Variants in COL22A1 observed in about 807,000 individuals in gnomAD.
COL22A1 encodes collagen type XXII alpha 1 chain.
Under a neutral mutation model 248.9 loss-of-function variants are expected in COL22A1, and 221 were observed. That is an observed-to-expected ratio of 0.89 (90% confidence interval 0.80 to 0.99). COL22A1 has a LOEUF of 0.99. Among genes scored for constraint, COL22A1 ranks in the 50% least tolerant of loss-of-function variants. The pLI is 0.00. For synonymous variants in COL22A1, 891 were observed against 793.4 expected (o/e 1.12, Z -2.07); for missense variants, 2,240 against 2,179.0 (o/e 1.03, Z -0.56).
intron 9 of COL22A1, among the ~76,000 whole-genome samples, chr8:138,811,330 C>T (rs9693735): frequency 2.1e-5 from 3 of 144,144 alleles, no homozygotes; most frequent in Non-Finnish European, 4.5e-5. Context: ...CACATATATA[C>T]ACACACGTAC....
At chr8:138,890,623 T>C (rs1824994968) in intron 1 of COL22A1, among the ~76,000 whole-genome samples, 1 of 152,138 alleles carries the variant, frequency 6.6e-6, no homozygotes, top group Non-Finnish European at 1.5e-5. Context: ...ACGGATGGCA[T>C]GATCGTATAT....
intron 1 of COL22A1, among the ~76,000 whole-genome samples, chr8:138,912,372 T>C (rs940267107): frequency 6.6e-6 from 1 of 152,210 alleles, no homozygotes; most frequent in Non-Finnish European, 1.5e-5. Flanking sequence ...GGCCTTCAGC[T>C]TTCCATGATT....
intron 6 of COL22A1, among the ~76,000 whole-genome samples, 191 bp from the exon 7 acceptor site, chr8:138,821,602 T>C (rs1819140201): frequency 2.0e-5 from 3 of 152,188 alleles, no homozygotes; most frequent in African/African-American, 7.2e-5. Flanking sequence ...GGGTTCCTCC[T>C]CGCACAATGG....
At chr8:138,843,397 G>A (rs1010544836) in intron 4 of COL22A1, among the ~76,000 whole-genome samples, 5 of 152,274 alleles carry the variant, frequency 3.3e-5, no homozygotes, top group African/African-American at 1.2e-4. Flanking sequence ...ACCAAACCCA[G>A]GGGCATTGGC....
intron 23 of COL22A1, among the ~76,000 whole-genome samples, chr8:138,736,991 C>T (rs530927484): frequency 6.6e-6 from 1 of 152,260 alleles, no homozygotes; most frequent in East Asian, 1.9e-4. Flanking sequence ...GGCTGATCCC[C>T]TTACAACTCT....
At position 138,796,813 on chromosome 8, in the gene COL22A1, G is replaced by A. The variant is rs1246559328; in HGVS notation, c.1596+6C>T. 1.9e-6 allele frequency: 3 copies of A among 1,587,304 alleles called. No homozygotes were observed. Among genetic ancestry groups the A allele is most frequent in the African/African-American group, 1.3e-5 (1 of 74,454 alleles). ...TGGAGGAGTGTGATAAAAGGAAGAT[G>A]CTTACCTTTTCACCCTTTTCCCCTT... On this transcript the variant is annotated splice_donor_region_variant and intron_variant, in intron 12 of 64. Coordinates refer to ENST00000303045, the MANE Select transcript of COL22A1 (RefSeq NM_152888.3).
chr8:138,690,769 A>T, intron 36 of COL22A1, 52 bp downstream of exon 36: 1 of 1,479,442 alleles, frequency 6.8e-7, no homozygotes, highest in Non-Finnish European at 9.3e-7. Flanking sequence ...GGGAGGATAC[A>T]TTAACTAGCT....
intron 30 of COL22A1, among the ~76,000 whole-genome samples, chr8:138,709,348 T>C (rs537850416): frequency 1.3e-5 from 2 of 152,226 alleles, no homozygotes; most frequent in East Asian, 1.9e-4. Flanking sequence ...CGTATGTTTA[T>C]TGCAGCACTA....
Position 138,693,679 on chromosome 8 carries a change from A to T in COL22A1, c.2721T>A (p.Gly907=). The T allele has an allele frequency of 1.9e-6, 3 of 1,582,164 alleles. No individual in the cohort carries two copies. Among genetic ancestry groups the T allele is most frequent in the Non-Finnish European group, 2.6e-6 (3 of 1,163,922 alleles). ...CAGCTGCTCCAGGAGCCCCATGTGC[A>T]CCTTCCTGTCCCTTGGCACCCTGCA... ...TGPPGAKGQE[G]AHGAPGAAGN... is the part of the protein sequence containing the mutation. Residue 907 remains glycine, a synonymous_variant, in exon 35 of 65, where the codon GGT becomes GGA. Transcript: ENST00000303045.
chr8:138,641,139 T>A lies in COL22A1; in HGVS notation c.3502-4344A>T, dbSNP rs554588795. ...TGAGAATCTTTCAGAACCGTGGCAG[T>A]TACAGACGGAAAGAATTTTCTGCTC... On this transcript the variant is annotated intron_variant, in intron 47 of 64. Coordinates refer to ENST00000303045, the MANE Select transcript of COL22A1 (RefSeq NM_152888.3). Among the ~76,000 whole-genome samples, 243 of 152,296 alleles carry A rather than the reference T, an allele frequency of 1.6e-3. 3 individuals carry two copies. The highest frequency in any genetic ancestry group is 2.7e-3 in the Non-Finnish European group (187 of 68,024).
At chr8:138,639,057 C>T (rs1821442563) in intron 47 of COL22A1, among the ~76,000 whole-genome samples, 1 of 152,198 alleles carries the variant, frequency 6.6e-6, no homozygotes, top group African/African-American at 2.4e-5. Flanking sequence ...CAAGGCTTCC[C>T]ACATGATATC....
chr8:138,607,752 A>G (rs1488795102), intron 57 of COL22A1, among the ~76,000 whole-genome samples, 184 bp downstream of exon 57: 1 of 152,204 alleles, frequency 6.6e-6, no homozygotes, highest in Non-Finnish European at 1.5e-5. Context: ...ATCGCATGAT[A>G]TATACTTTAA....
intron 49 of COL22A1, among the ~76,000 whole-genome samples, chr8:138,634,260 G>A (rs7012281): frequency 0.018 from 2,792 of 152,100 alleles, 79 homozygotes; most frequent in African/African-American, 0.063. Context: ...TTCAAACAGG[G>A]TATTTCCTAT....
chr8:138,635,151 G>A (rs960014737), intron 48 of COL22A1, 88 bp from the exon 49 acceptor site: 2 of 1,103,788 alleles, frequency 1.8e-6, no homozygotes. Context: ...AAACAATACA[G>A]AATCCACCTT....
intron 60 of COL22A1, among the ~76,000 whole-genome samples, chr8:138,601,598 G>GA (rs1461296883): frequency 5.3e-5 from 8 of 151,138 alleles, no homozygotes; most frequent in Admixed American, 6.6e-5. Flanking sequence ...CTCTTCAGAA[G>GA]AAAAAAAAGA....
At chr8:138,874,196 A>G (rs945514116) in intron 3 of COL22A1, among the ~76,000 whole-genome samples, 1 of 152,202 alleles carries the variant, frequency 6.6e-6, no homozygotes, top group Non-Finnish European at 1.5e-5. Flanking sequence ...TCACAGCTGT[A>G]TTTACAAAAA....
In COL22A1 at chr8:138,598,806, G is replaced by A. The variant is rs764451620; in HGVS notation, c.4278C>T (p.Gly1426=). 17 of 1,614,070 alleles carry A rather than the reference G, an allele frequency of 1.1e-5. No homozygotes were observed. Among genetic ancestry groups the A allele is most frequent in the Admixed American group, 1.0e-4 (6 of 60,012 alleles). ...CAGGTAGTCCTTGGGGACCCATCAG[G>A]CCTGTGTGGCCTTTGTGGCCTGGGA... ...PGIPGHKGHT[G]LMGPQGLPGE... is the part of the protein sequence containing the mutation. Residue 1426 remains glycine, a synonymous_variant, in exon 61 of 65, where the codon GGC becomes GGT. Transcript: ENST00000303045.
At chr8:138,862,037 A>T (rs933090968) in intron 3 of COL22A1, among the ~76,000 whole-genome samples, 1 of 149,982 alleles carries the variant, frequency 6.7e-6, no homozygotes, top group African/African-American at 2.5e-5. Flanking sequence ...AAAAAAAAAA[A>T]AAAAAAAAAA....
chr8:138,854,717 G>A (rs11990763), intron 3 of COL22A1, among the ~76,000 whole-genome samples: 1,559 of 152,242 alleles, frequency 0.01, 31 homozygotes, highest in African/African-American at 0.035. Flanking sequence ...CCCAGCCTTG[G>A]CCTCCGAGAC....
Sources: allele counts gnomAD v4.1 joint callset (sites outside exome capture counted in the v4.1 genomes callset), GRCh38; gene constraint gnomAD v4.1.1; transcripts MANE v1.5; gene names NCBI Gene and HGNC (gene_info 2026-07-23, HGNC 2026-07-21).